The following TSHZ3 variants were observed in gnomAD, a reference collection of about 807,000 sequenced individuals.
TSHZ3 encodes the protein teashirt homolog 3.
Under a neutral mutation model 64.5 loss-of-function variants are expected in TSHZ3, and 10 were observed. That is an observed-to-expected ratio of 0.16 (90% CI 0.10 to 0.26). The LOEUF (loss-of-function observed/expected upper bound fraction) is 0.26, where lower values mean the gene tolerates loss of function less well. TSHZ3 is among the 10% of genes least tolerant of loss of function. The pLI is 1.00. For synonymous variants in TSHZ3, 608 were observed against 593.1 expected (o/e 1.03, Z -0.36); for missense variants, 1,242 against 1,421.7 (o/e 0.87, Z 2.03).
intron 1 of TSHZ3, among the ~76,000 whole-genome samples, chr19:31,287,597 G>A (rs1395415145): frequency 6.6e-6 from 1 of 152,008 alleles, no homozygotes; most frequent in Non-Finnish European, 1.5e-5. Flanking sequence ...GGGAGAAAGA[G>A]AGATGGGAGA....
Position 31,277,923 on chromosome 19 carries a change from C to T in TSHZ3, c.1870G>A (p.Val624Met), listed in dbSNP as rs770996387. 7.4e-6 allele frequency: 12 copies of T among 1,614,082 alleles called. No individual in the cohort carries two copies. In the African/African-American group the frequency reaches 1.6e-4, roughly 22 times the overall value. ...VKKVTEKVAK[V>M]EEKMKEPDGK... ...TCCGGCTCCTTCATCTTCTCCTCCA[C>T]TTTGGCAACTTTCTCAGTGACCTTT... Residue 624 changes from valine to methionine, a missense_variant, in exon 2 of 2, where the codon GTG becomes ATG. Transcript: ENST00000240587. The surrounding 1 kb of genome is among the most constrained non-coding windows in gnomAD (Gnocchi z 4.5).
In TSHZ3 at chr19:31,349,245, C is replaced by T. The variant is rs2021621252; in HGVS notation, c.-26G>A. The stretch of plus-strand genomic sequence containing the variant: ...GATGCTTCTCCGGCGACTGCCACTG[C>T]CGCCGCCGCCGCCGCTGCCGGGCTG... On this transcript the variant is annotated 5_prime_UTR_variant, in exon 1 of 2. Coordinates refer to ENST00000240587, the MANE Select transcript of TSHZ3 (RefSeq NM_020856.4). The T allele has an allele frequency of 4.9e-6, 7 of 1,427,432 alleles. No homozygotes were observed. The highest frequency in any genetic ancestry group is 6.6e-6 in the Non-Finnish European group (7 of 1,062,056). 88.4% of individuals were successfully genotyped at this position (1,427,432 alleles called of 1,614,324 possible). A position where few individuals can be genotyped will look rare whatever the true frequency, so the allele number is the denominator to read the frequency against.
chr19:31,229,125 G>A (rs529918162), intron 3 of TSHZ3, among the ~76,000 whole-genome samples: 15 of 152,190 alleles, frequency 9.9e-5, no homozygotes, highest in African/African-American at 3.4e-4. Context: ...ATTGTAAGGG[G>A]GCCATTGCCT....
intron 5 of TSHZ3, among the ~76,000 whole-genome samples, chr19:31,176,981 C>G (rs1974617852): frequency 6.6e-6 from 1 of 152,154 alleles, no homozygotes; most frequent in African/African-American, 2.4e-5. Flanking sequence ...CAGTATCTAC[C>G]ATGTGTACCC....
rs565357590 is a variant in TSHZ3 at position 31,207,351 on chromosome 19, T to G, written n.687-2273A>C. 122 of 152,338 alleles carry G rather than the reference T, an allele frequency of 8.0e-4. 2 individuals are homozygous for G. Among genetic ancestry groups the G allele is most frequent in the African/African-American group, 2.8e-3 (115 of 41,578 alleles). 9.4% of individuals were successfully genotyped at this position (152,338 alleles called of 1,614,324 possible). ...AACAATTTTTGAGCAATTTTATTGC[T>G]ATTCATACCTGCTTGATTTTTTATT... On this transcript the variant is annotated intron_variant and non_coding_transcript_variant, in intron 4 of 6. Transcript: ENST00000651361.
At chr19:31,308,739 G>A (rs938288194) in intron 1 of TSHZ3, 17 of 398,508 alleles carry the variant, frequency 4.3e-5, no homozygotes, top group Middle Eastern at 6.2e-4. Flanking sequence ...GGGACACACC[G>A]TCTAAGACCC....
intron 5 of TSHZ3, among the ~76,000 whole-genome samples, chr19:31,166,861 A>G (rs1302879707): frequency 2.0e-5 from 3 of 152,222 alleles, no homozygotes; most frequent in African/African-American, 7.2e-5. Context: ...CAACACAAAT[A>G]TACTTGAGAT....
intron 1 of TSHZ3, among the ~76,000 whole-genome samples, chr19:31,245,765 AGTGGTAGG>A (rs1975751319): frequency 6.6e-6 from 1 of 152,140 alleles, no homozygotes. Context: ...CCTCTGACGG[AGTGGTAGG>A]GGCTGTTACA....
intron 1 of TSHZ3, among the ~76,000 whole-genome samples, chr19:31,314,383 G>A (rs1014983849): frequency 2.0e-5 from 3 of 152,150 alleles, no homozygotes; most frequent in Non-Finnish European, 2.9e-5. Context: ...GGCAGCGGCC[G>A]GAACCGTGTC....
chr19:31,322,209 T>C (rs558400823), intron 1 of TSHZ3, among the ~76,000 whole-genome samples: 87 of 152,264 alleles, frequency 5.7e-4, no homozygotes, highest in Non-Finnish European at 1.0e-3. Flanking sequence ...AATCTTGGCC[T>C]ATTGCAATCT....
chr19:31,163,937 C>A (rs1443888618), intron 5 of TSHZ3, among the ~76,000 whole-genome samples: 2 of 152,148 alleles, frequency 1.3e-5, no homozygotes, highest in African/African-American at 4.8e-5. Flanking sequence ...TGTGCAAGAT[C>A]CTAAGAAGTA....
chr19:31,320,170 C>T lies in TSHZ3; in HGVS notation c.40+29010G>A, dbSNP rs1163767802. On this transcript the variant is annotated intron_variant, in intron 1 of 1. Transcript: ENST00000240587. ...CAAATGCCTGTGAACAAGGACCCAACTTGAGAATGACAACATGACCACGGG... is the reference window on the plus strand; with the variant it reads ...CAAATGCCTGTGAACAAGGACCCAATTTGAGAATGACAACATGACCACGGG... 2.0e-5 allele frequency among the ~76,000 whole-genome samples: 3 copies of T among 152,160 alleles called. No individual in the cohort carries two copies. In the East Asian group the frequency reaches 5.8e-4, roughly 29 times the overall value.
At chr19:31,262,784 C>T (rs1200422154) in intron 1 of TSHZ3, among the ~76,000 whole-genome samples, 4 of 152,184 alleles carry the variant, frequency 2.6e-5, no homozygotes, top group African/African-American at 7.2e-5. Context: ...TGACGAAATT[C>T]GAGCAGATCA....
intron 1 of TSHZ3, among the ~76,000 whole-genome samples, chr19:31,306,823 T>C (rs1916313204): frequency 6.6e-6 from 1 of 152,168 alleles, no homozygotes; most frequent in Non-Finnish European, 1.5e-5. Flanking sequence ...AAGAGAAACA[T>C]ACTAATTAGT....
intron 1 of TSHZ3, among the ~76,000 whole-genome samples, chr19:31,342,491 C>T (rs1393013712): frequency 1.3e-5 from 2 of 152,204 alleles, no homozygotes; most frequent in African/African-American, 4.8e-5. Flanking sequence ...GGGTGAAAGA[C>T]TTACAAGTCT....
chr19:31,331,765 C>G lies in TSHZ3; in HGVS notation c.40+17415G>C, dbSNP rs1264941723. On this transcript the variant is annotated intron_variant, in intron 1 of 1. Transcript: ENST00000240587. Reference sequence around the variant, plus strand: ...AGCTGTCTGGTCCAGCCGGGACAGTCAATTGATTTTCACAGAACGTCCATT... The same window carrying G: ...AGCTGTCTGGTCCAGCCGGGACAGTGAATTGATTTTCACAGAACGTCCATT... Among the ~76,000 whole-genome samples the G allele has an allele frequency of 2.6e-5, 4 of 152,336 alleles. No individual in the cohort carries two copies. The East Asian group carries it at 7.7e-4, about 29-fold the overall frequency.
rs1282260366 is a variant in TSHZ3, at chr19:31,288,087, A to G, written c.41-8335T>C. Among the ~76,000 whole-genome samples the G allele has an allele frequency of 2.6e-5, 4 of 152,082 alleles. No homozygotes were observed. The East Asian group carries it at 7.8e-4, about 30-fold the overall frequency. Reference sequence around the variant, plus strand: ...GTAGCTAGGACTACAGGCACTAGATACCTCGCCAGGATAAGAGTGCTTTAT... The same window carrying G: ...GTAGCTAGGACTACAGGCACTAGATGCCTCGCCAGGATAAGAGTGCTTTAT... On this transcript the variant is annotated intron_variant, in intron 1 of 1. Coordinates refer to ENST00000240587, the MANE Select transcript of TSHZ3 (RefSeq NM_020856.4).
In TSHZ3 at chr19:31,219,413, G is replaced by A. The variant is rs964341613; in HGVS notation, n.686+8592C>T. 3.9e-5 allele frequency among the ~76,000 whole-genome samples: 6 copies of A among 152,244 alleles called. No homozygotes were observed. In the East Asian group the frequency reaches 1.2e-3, roughly 29 times the overall value. On this transcript the variant is annotated intron_variant and non_coding_transcript_variant, in intron 4 of 6. Coordinates refer to the TSHZ3 transcript ENST00000651361. ...TCAGTGGTAATGATGGCAGTGAGAA[G>A]TTTGCTTCAAGCAAACTTGAAGCAA...
Position 31,279,636 on chromosome 19 carries a change from C to T in TSHZ3, c.157G>A (p.Ala53Thr), listed in dbSNP as rs768899742. 41 of 1,610,706 alleles carry T rather than the reference C, an allele frequency of 2.5e-5. No individual in the cohort carries two copies. Among genetic ancestry groups the T allele is most frequent in the East Asian group, 6.7e-5 (3 of 44,860 alleles). ...AKYMCPEKELARACPSYQNSP... is the reference protein window; with the variant it reads ...AKYMCPEKELTRACPSYQNSP... ...TTCTGGTAGCTGGGGCAGGCCCTGG[C>T]GAGCTCCTTCTCCGGGCACATGTAC... The change falls in exon 2 of 2, where the codon GCC becomes ACC. Residue 53 changes from alanine to threonine, a missense_variant. Ala to Thr is a moderately conservative substitution (Grantham distance 58). Transcript: ENST00000240587. The surrounding 1 kb of genome is among the most constrained non-coding windows in gnomAD (Gnocchi z 6.4).
Sources: allele counts gnomAD v4.1 joint callset (sites outside exome capture counted in the v4.1 genomes callset), GRCh38; gene constraint gnomAD v4.1.1; non-coding constraint Gnocchi (gnomAD v3.1); transcripts MANE v1.5; gene names NCBI Gene and HGNC (gene_info 2026-07-23, HGNC 2026-07-21).